Variants in GSTK1 observed in about 807,000 individuals in gnomAD.
GSTK1 encodes the protein glutathione S-transferase kappa 1, also known as GST class-kappa.
Under a neutral mutation model 30.9 loss-of-function variants are expected in GSTK1, and 25 were observed. The observed-to-expected ratio is 0.81, with a 90% CI of 0.59 to 1.13. The LOEUF (loss-of-function observed/expected upper bound fraction) is 1.13, where lower values mean the gene tolerates loss of function less well. GSTK1 is among the 50% of genes most tolerant of loss of function. The probability of loss-of-function intolerance (pLI) is 0.00; values close to 1 mark genes in which losing one functional copy is unlikely to be tolerated. For synonymous variants in GSTK1, 108 were observed against 112.5 expected, an observed-to-expected ratio of 0.96 and a Z score of 0.25; for missense variants, 292 against 292.4, an observed-to-expected ratio of 1.00 and a Z score of 0.01.
chr7:143,266,730 T>C (rs1450715628), intron 5 of GSTK1, among the ~76,000 whole-genome samples: 1 of 143,866 alleles, frequency 7.0e-6, no homozygotes, highest in Non-Finnish European at 1.5e-5. Context: ...GGCATGATCA[T>C]GGCTCACTGC....
At chr7:143,265,951 G>A (rs1167963280) in intron 5 of GSTK1, among the ~76,000 whole-genome samples, 3 of 149,244 alleles carry the variant, frequency 2.0e-5, no homozygotes, top group African/African-American at 7.4e-5. Context: ...ATCTTCTACA[G>A]TCTATACTCC....
rs2116695753 is a variant in GSTK1, at chr7:143,264,984, C to A, written c.284-8C>A. 1.2e-6 allele frequency: 2 copies of A among 1,613,290 alleles called. No homozygotes were observed. Among genetic ancestry groups the A allele is most frequent in the South Asian group, 2.2e-5 (2 of 91,048 alleles). ...GGAGCCCTGCCTCTGGGTGCCTCTG[C>A]CCCACAGGAAGTTTGTCTGCCATGC... On this transcript the variant is annotated splice_polypyrimidine_tract_variant and splice_region_variant and intron_variant, in intron 3 of 7. Coordinates refer to ENST00000358406, the MANE Select transcript of GSTK1 (RefSeq NM_015917.3).
At chr7:143,266,023 CTTTTTTTTTTT>C (rs11296238) in intron 5 of GSTK1, among the ~76,000 whole-genome samples, 1 of 69,254 alleles carries the variant, frequency 1.4e-5, no homozygotes, top group Non-Finnish European at 2.6e-5. Context: ...ATTTTCCATG[CTTTTTTTTTTT>C]TTTTTTTTTT....
Position 143,269,067 on chromosome 7 carries a change from C to A in GSTK1, c.*230C>A, listed in dbSNP as rs948786407. ...GCCTCACAAGTGCCTTTCAGAGAGC[C>A]CCAATTCTGCTTTCCCACAAAATAA... On this transcript the variant is annotated 3_prime_UTR_variant, in exon 8 of 8. Coordinates refer to ENST00000358406, the MANE Select transcript of GSTK1 (RefSeq NM_015917.3). The A allele has an allele frequency of 3.5e-6, 2 of 565,384 alleles. No homozygotes were observed. Among genetic ancestry groups the A allele is most frequent in the African/African-American group, 3.8e-5 (2 of 53,014 alleles). 35.0% of individuals were successfully genotyped at this position (565,384 alleles called of 1,614,324 possible).
At position 143,268,964 on chromosome 7, in the gene GSTK1, A is replaced by G; in HGVS notation, c.*127A>G. On this transcript the variant is annotated 3_prime_UTR_variant, in exon 8 of 8. Coordinates refer to ENST00000358406, the MANE Select transcript of GSTK1 (RefSeq NM_015917.3). The surrounding 1 kb of genome is among the most constrained non-coding windows in gnomAD (Gnocchi z 4.1). ...TAGAGGTATTTTCTGTGGCCCTGGG[A>G]GCTGTCTGTCTTTCCCCTACCCCCA... 1 of 817,196 alleles carries G rather than the reference A, an allele frequency of 1.2e-6. No homozygotes were observed. Among genetic ancestry groups the G allele is most frequent in the Non-Finnish European group, 2.1e-6 (1 of 483,836 alleles). The allele number at this position is 817,196 out of a possible 1,614,324, so 50.6% of individuals were successfully genotyped here.
chr7:143,264,348 G>A, intron 2 of GSTK1, 181 bp downstream of exon 2: 2 of 765,308 alleles, frequency 2.6e-6, no homozygotes, highest in Non-Finnish European at 4.3e-6. Context: ...GGAGGCTGAG[G>A]CGGGAGAATC....
In GSTK1 at chr7:143,268,440, A is replaced by G. The variant is rs1217753459; in HGVS notation, c.631+256A>G. ...CAGTGAGCCGAGATCGCGCCACTGC[A>G]CTCCAGCCTGGGTGACAAAGCAAGA... On this transcript the variant is annotated intron_variant, in intron 7 of 7. Transcript: ENST00000358406. The surrounding 1 kb of genome is among the most constrained non-coding windows in gnomAD (Gnocchi z 4.1). 6.6e-6 allele frequency among the ~76,000 whole-genome samples: 1 copy of G among 152,092 alleles called. No homozygotes were observed. Among genetic ancestry groups the G allele is most frequent in the African/African-American group, 2.4e-5 (1 of 41,404 alleles).
chr7:143,267,580 T>C (rs775179110), intron 5 of GSTK1, 37 bp from the exon 6 acceptor site: 2 of 1,466,518 alleles, frequency 1.4e-6, no homozygotes, highest in African/African-American at 1.4e-5. Context: ...TCCAATATCA[T>C]GCAGACACAG....
intron 2 of GSTK1, 92 bp from the exon 3 acceptor site, chr7:143,264,456 A>G: frequency 7.7e-7 from 1 of 1,298,290 alleles, no homozygotes; most frequent in South Asian, 1.3e-5. Context: ...AAAAAAAGGA[A>G]GCTGCCCTCT....
At chr7:143,267,866 C>T (rs1800927465) in intron 6 of GSTK1, 133 bp downstream of exon 6, 1 of 717,364 alleles carries the variant, frequency 1.4e-6, no homozygotes, top group Non-Finnish European at 2.4e-6. Flanking sequence ...CTTAAACAAC[C>T]CTCATCTTCT....
In GSTK1 at chr7:143,266,662, T is replaced by C. The variant is rs1226280752; in HGVS notation, c.421-955T>C. Among the ~76,000 whole-genome samples the C allele has an allele frequency of 8.0e-5, 11 of 137,990 alleles. 1 individual carries two copies. The highest frequency in any genetic ancestry group is 6.5e-4 in the Admixed American group (9 of 13,940). 90.5% of individuals were successfully genotyped at this position (137,990 alleles called of 152,430 possible). On this transcript the variant is annotated intron_variant, in intron 5 of 7. Coordinates refer to ENST00000358406, the MANE Select transcript of GSTK1 (RefSeq NM_015917.3). ...TTTTTTTTCTTTCTTTCTTTTTTTT[T>C]TTTTTTTTTTTTTTTTTGAGACAGT...
At position 143,264,657 on chromosome 7, in the gene GSTK1, G is replaced by C; in HGVS notation, c.264G>C (p.Leu88Phe). The change falls in exon 3 of 8, where the codon TTG (leucine) becomes TTC (phenylalanine). Residue 88 changes from leucine to phenylalanine, a missense_variant. Leu to Phe is a conservative substitution (Grantham distance 22, BLOSUM62 0). Coordinates refer to ENST00000358406, the MANE Select transcript of GSTK1 (RefSeq NM_015917.3). ...QIPIHFPKDF[L>F]SVMLEKGSLS... ...CCATCCACTTCCCCAAGGATTTCTT[G>C]TCTGTGATGCTTGAAAAAGGTGAAG... The C allele has an allele frequency of 6.2e-7, 1 of 1,614,054 alleles. No individual in the cohort carries two copies. Among genetic ancestry groups the C allele is most frequent in the Non-Finnish European group, 8.5e-7 (1 of 1,179,986 alleles).
chr7:143,264,705 T>C (rs1586424284), intron 3 of GSTK1, 29 bp downstream of exon 3: 1 of 1,613,120 alleles, frequency 6.2e-7, no homozygotes, highest in East Asian at 2.2e-5. Flanking sequence ...AGACAGGGTA[T>C]CCAGTGAAAA....
intron 5 of GSTK1, among the ~76,000 whole-genome samples, chr7:143,265,726 G>A (rs1182885603): frequency 1.3e-5 from 2 of 148,460 alleles, no homozygotes; most frequent in Non-Finnish European, 3.1e-5. Flanking sequence ...GGTTATATAG[G>A]AGCCTGAGTG....
intron 5 of GSTK1, 139 bp downstream of exon 5, chr7:143,265,435 A>C (rs1292496417): frequency 2.4e-6 from 2 of 821,130 alleles, no homozygotes; most frequent in East Asian, 5.4e-5. Flanking sequence ...TCTGTGATTC[A>C]GGGCACAAAC....
intron 6 of GSTK1, 108 bp downstream of exon 6, chr7:143,267,841 G>T: frequency 1.3e-6 from 1 of 790,932 alleles, no homozygotes. Context: ...CTTTCCAAGT[G>T]TTCTCCTCAG....
intron 1 of GSTK1, 53 bp from the exon 2 acceptor site, chr7:143,264,033 C>T (rs1800795419): frequency 6.5e-7 from 1 of 1,532,150 alleles, no homozygotes. Flanking sequence ...TCCCTCGGCT[C>T]TTTCACTTTT....
rs1800964530 is a variant in GSTK1, at chr7:143,269,030, C to A, written c.*193C>A. On this transcript the variant is annotated 3_prime_UTR_variant, in exon 8 of 8. Transcript: ENST00000358406. ...CGTCCACCATTAGCCATGTGGCAAC[C>A]TTTACTTCTATGCCTCACAAGTGCC... 1 of 614,938 alleles carries A rather than the reference C, an allele frequency of 1.6e-6. No homozygotes were observed. Among genetic ancestry groups the A allele is most frequent in the Non-Finnish European group, 2.9e-6 (1 of 343,394 alleles). 38.1% of individuals were successfully genotyped at this position (614,938 alleles called of 1,614,324 possible). A position where few individuals can be genotyped will look rare whatever the true frequency, so the allele number is the denominator to read the frequency against.
At position 143,265,295 on chromosome 7, in the gene GSTK1, C is replaced by T. The variant is rs1291081009; in HGVS notation, c.419C>T (p.Ala140Val). The T allele has an allele frequency of 3.8e-6, 6 of 1,598,080 alleles. No homozygotes were observed. The East Asian group carries it at 1.1e-4, about 30-fold the overall frequency. Reference protein sequence around the residue: ...EDITEPQSILAAAEKAGMSAE... With the variant: ...EDITEPQSILVAAEKAGMSAE... Reference sequence around the variant, plus strand: ...ATCACCGAGCCGCAGAGCATCCTGGCGGTGAGTGTCCTGGCTCCACCCCAA... The same window carrying T: ...ATCACCGAGCCGCAGAGCATCCTGGTGGTGAGTGTCCTGGCTCCACCCCAA... Residue 140 changes from alanine to valine, a missense_variant and splice_region_variant, in exon 5 of 8, where the codon GCG becomes GTG. By Grantham distance (64) the Ala-to-Val change is moderately conservative. Coordinates refer to ENST00000358406, the MANE Select transcript of GSTK1 (RefSeq NM_015917.3).
Sources: gnomAD v4.1 joint callset for allele counts (sites outside exome capture counted in the v4.1 genomes callset) on GRCh38, gnomAD v4.1.1 for gene constraint, Gnocchi (gnomAD v3.1) non-coding constraint, MANE v1.5 for transcripts, NCBI Gene and HGNC (gene_info 2026-07-23, HGNC 2026-07-21) for gene names.